The following IDE variants were observed in gnomAD, a reference collection of about 807,000 sequenced individuals.
IDE encodes insulin-degrading enzyme.
In IDE, 58 loss-of-function variants were observed where a neutral mutation model predicts 133.2. The ratio of observed to expected loss-of-function variants is 0.44; its 90% confidence interval spans 0.35 to 0.54. The LOEUF (loss-of-function observed/expected upper bound fraction) is 0.54, where lower values mean the gene tolerates loss of function less well. IDE is among the 20% of genes least tolerant of loss of function. IDE has a pLI of 0.00. For missense variants in IDE, 981 were observed against 1,234.0 expected (o/e 0.79, Z 3.07); for synonymous variants, 396 against 421.3 (o/e 0.94, Z 0.73).
At chr10:92,529,075 AAAAAAAACAAAAC>A (rs896855175) in intron 4 of IDE, among the ~76,000 whole-genome samples, 23 of 151,776 alleles carry the variant, frequency 1.5e-4, no homozygotes, top group Admixed American at 1.3e-3. Context: ...AGACTGTCTC[AAAAAAAACAAAAC>A]AAAAAAACAA....
chr10:92,519,212 AGAAGC>A (rs1248959010), intron 4 of IDE, among the ~76,000 whole-genome samples: 1 of 152,202 alleles, frequency 6.6e-6, no homozygotes, highest in Non-Finnish European at 1.5e-5. Context: ...AATTGTGGCT[AGAAGC>A]TGAGTAAATG....
At chr10:92,488,114 T>C (rs781524987) in intron 12 of IDE, among the ~76,000 whole-genome samples, 11 of 151,826 alleles carry the variant, frequency 7.2e-5, no homozygotes, top group Non-Finnish European at 1.6e-4. Context: ...TACTTCTTTT[T>C]TTCTTTTTCA....
chr10:92,459,025 C>A (rs1297604125), intron 22 of IDE, among the ~76,000 whole-genome samples: 1 of 152,122 alleles, frequency 6.6e-6, no homozygotes, highest in Non-Finnish European at 1.5e-5. Context: ...ATTTTTGTAG[C>A]CAAAATGGGT....
At chr10:92,457,603 T>C (rs112259392) in intron 22 of IDE, among the ~76,000 whole-genome samples, 158 of 152,282 alleles carry the variant, frequency 1.0e-3, no homozygotes, top group Non-Finnish European at 2.0e-3. Flanking sequence ...AGACTTCTAC[T>C]GTCTTTTCTA....
rs755600090 is a variant in IDE, at chr10:92,474,981, T to C, written c.1996-20A>G. The C allele has an allele frequency of 1.4e-5, 22 of 1,571,408 alleles. No individual in the cohort carries two copies. The South Asian group carries it at 2.2e-4, about 16-fold the overall frequency. On this transcript the variant is annotated intron_variant, in intron 16 of 24. Transcript: ENST00000265986. ...CATATACTAGTGAAAGAGACATGCGTTCATTAATTTTATAAATCTTTTAAA... is the reference window on the plus strand; with the variant it reads ...CATATACTAGTGAAAGAGACATGCGCTCATTAATTTTATAAATCTTTTAAA...
At chr10:92,486,841 T>C (rs1419393531) in intron 13 of IDE, among the ~76,000 whole-genome samples, 3 of 152,180 alleles carry the variant, frequency 2.0e-5, no homozygotes, top group Non-Finnish European at 4.4e-5. Flanking sequence ...AGATCCTTTC[T>C]TATCTTTAAT....
chr10:92,573,891 C>A (rs897760951), intron 1 of IDE, 31 bp downstream of exon 1: 86 of 1,412,588 alleles, frequency 6.1e-5, no homozygotes, highest in Non-Finnish European at 7.8e-5. Flanking sequence ...ACCCACGGGG[C>A]CCGAGGGCCC....
chr10:92,552,351 T>C (rs753420831), intron 1 of IDE, among the ~76,000 whole-genome samples: 12 of 152,160 alleles, frequency 7.9e-5, no homozygotes, highest in Admixed American at 3.3e-4. Flanking sequence ...AAAGATGTTA[T>C]AAATAAGAAA....
In IDE at chr10:92,452,082, C is replaced by T. The variant is rs1206511080; in HGVS notation, c.*2362G>A. 1 of 152,094 alleles carries T rather than the reference C, an allele frequency of 6.6e-6. No homozygotes were observed. Among genetic ancestry groups the T allele is most frequent in the African/African-American group, 2.4e-5 (1 of 41,412 alleles). The allele number at this position is 152,094 out of a possible 1,614,324, so 9.4% of individuals were successfully genotyped here. A position where few individuals can be genotyped will look rare whatever the true frequency, so the allele number is the denominator to read the frequency against. On this transcript the variant is annotated 3_prime_UTR_variant, in exon 25 of 25. Coordinates refer to ENST00000265986, the MANE Select transcript of IDE (RefSeq NM_004969.4). ...TTCTATTTGACAAAAATCATTGTTA[C>T]CCAGAAACACTTTTAAAATGTTAAT...
At chr10:92,560,384 C>G (rs1411152791) in intron 1 of IDE, among the ~76,000 whole-genome samples, 2 of 152,130 alleles carry the variant, frequency 1.3e-5, no homozygotes, top group East Asian at 3.8e-4. Flanking sequence ...CTTGGTCTTC[C>G]CTACCTTGTT....
chr10:92,558,558 A>G (rs947996753), intron 1 of IDE, among the ~76,000 whole-genome samples: 2 of 152,156 alleles, frequency 1.3e-5, no homozygotes, highest in South Asian at 2.1e-4. Flanking sequence ...TGTAAATCAT[A>G]TATCTGATAA....
chr10:92,565,516 C>G (rs1223663959), intron 1 of IDE, among the ~76,000 whole-genome samples: 2 of 152,128 alleles, frequency 1.3e-5, no homozygotes, highest in African/African-American at 4.8e-5. Flanking sequence ...TATTTCACTT[C>G]CGATATCATC....
intron 1 of IDE, among the ~76,000 whole-genome samples, chr10:92,567,398 C>T (rs887439646): frequency 6.6e-6 from 1 of 152,172 alleles, no homozygotes; most frequent in Non-Finnish European, 1.5e-5. Context: ...AATAACTAAA[C>T]TCTGCTGAAT....
chr10:92,541,325 G>A (rs1319514009), intron 1 of IDE: 1 of 470,422 alleles, frequency 2.1e-6, no homozygotes, highest in African/African-American at 2.0e-5. Flanking sequence ...ACAATGACTG[G>A]GAACTCTTCC....
intron 1 of IDE, among the ~76,000 whole-genome samples, chr10:92,555,091 A>C (rs1052788404): frequency 2.0e-5 from 3 of 152,230 alleles, no homozygotes; most frequent in African/African-American, 7.2e-5. Flanking sequence ...AGCAGTGAAA[A>C]GCTGAAAGCC....
At chr10:92,570,037 G>T (rs1446522544) in intron 1 of IDE, among the ~76,000 whole-genome samples, 1 of 152,000 alleles carries the variant, frequency 6.6e-6, no homozygotes, top group African/African-American at 2.4e-5. Context: ...TTGAACCCGG[G>T]AGGTGGAAGT....
intron 23 of IDE, among the ~76,000 whole-genome samples, chr10:92,455,943 T>A (rs1844986713): frequency 6.6e-6 from 1 of 152,092 alleles, no homozygotes; most frequent in African/African-American, 2.4e-5. Flanking sequence ...CTTGCTAGGT[T>A]TCTAAACTGT....
At chr10:92,465,360 G>A (rs1474423784) in intron 20 of IDE, among the ~76,000 whole-genome samples, 1 of 152,184 alleles carries the variant, frequency 6.6e-6, no homozygotes, top group Non-Finnish European at 1.5e-5. Context: ...GTGAATCTAA[G>A]CTCCTCTGGA....
At chr10:92,477,374 T>C (rs1294419813) in intron 15 of IDE, among the ~76,000 whole-genome samples, 2 of 151,240 alleles carry the variant, frequency 1.3e-5, no homozygotes, top group South Asian at 2.1e-4. Flanking sequence ...GAGGCTGGTC[T>C]CGAACTCCTG....
Sources: allele counts gnomAD v4.1 joint callset (sites outside exome capture counted in the v4.1 genomes callset), GRCh38; gene constraint gnomAD v4.1.1; transcripts MANE v1.5; gene names NCBI Gene and HGNC (gene_info 2026-07-23, HGNC 2026-07-21).